Variants in SLC16A2 observed in about 807,000 individuals in gnomAD.
SLC16A2 encodes the protein monocarboxylate transporter 8.
A neutral mutation model predicts 27.2 loss-of-function variants in SLC16A2; 3 were observed. The observed-to-expected ratio is 0.11, with a 90% confidence interval of 0.05 to 0.28. The LOEUF (loss-of-function observed/expected upper bound fraction) is 0.28. Ranked by LOEUF, SLC16A2 falls within the 10% of genes least tolerant of loss-of-function variation. The probability of loss-of-function intolerance (pLI) is 1.00; values close to 1 mark genes in which losing one functional copy is unlikely to be tolerated. For missense variants in SLC16A2, 295 were observed against 458.5 expected (o/e 0.64, Z 3.26); for synonymous variants, 202 against 187.8 (o/e 1.08, Z -0.62).
intron 1 of SLC16A2, among the ~76,000 whole-genome samples, chrX:74,472,284 A>T (rs768912503): frequency 9.0e-6 from 1 of 111,720 alleles, no homozygotes; most frequent in East Asian, 2.8e-4. Flanking sequence ...ACTATTGCCT[A>T]TTCTATTTAC....
intron 1 of SLC16A2, among the ~76,000 whole-genome samples, chrX:74,494,105 G>C (rs1929889502): frequency 8.9e-6 from 1 of 112,206 alleles, no homozygotes; most frequent in Admixed American, 9.4e-5. Context: ...TGCAGTTGCT[G>C]TCTCCAGTCA....
At chrX:74,482,595 A>T (rs185322163) in intron 1 of SLC16A2, among the ~76,000 whole-genome samples, 1 of 111,243 alleles carries the variant, frequency 9.0e-6, no homozygotes, top group South Asian at 3.7e-4. Flanking sequence ...TCTTCTATGA[A>T]TTTTTTTGTT....
intron 1 of SLC16A2, among the ~76,000 whole-genome samples, chrX:74,478,970 G>A (rs1354882694): frequency 9.0e-6 from 1 of 110,809 alleles, no homozygotes; most frequent in Admixed American, 9.6e-5. Context: ...TCTTGGAGTT[G>A]CTCTTCTCGA....
intron 1 of SLC16A2, chrX:74,477,246 G>T: frequency 8.9e-6 from 1 of 112,180 alleles, no homozygotes; most frequent in Non-Finnish European, 1.9e-5. Flanking sequence ...ATTTCTTCTA[G>T]ATTTTCTAGT....
intron 1 of SLC16A2, among the ~76,000 whole-genome samples, chrX:74,494,470 T>A (rs758913520): frequency 4.5e-5 from 5 of 111,692 alleles, no homozygotes; most frequent in African/African-American, 1.6e-4. Context: ...CCTAAAGTAA[T>A]TAGTAATCAT....
At chrX:74,443,409 G>T (rs1209047638) in intron 1 of SLC16A2, among the ~76,000 whole-genome samples, 1 of 111,603 alleles carries the variant, frequency 9.0e-6, no homozygotes, top group East Asian at 2.8e-4. Context: ...GAGCAGCCTC[G>T]GGTCCCTTGG....
chrX:74,477,531 T>G (rs1929508853), intron 1 of SLC16A2, among the ~76,000 whole-genome samples: 1 of 111,804 alleles, frequency 8.9e-6, no homozygotes, highest in South Asian at 3.8e-4. Context: ...AGCTTTTGAA[T>G]GTGTTTGCTC....
At chrX:74,478,561 C>A (rs1929538416) in intron 1 of SLC16A2, among the ~76,000 whole-genome samples, 1 of 111,725 alleles carries the variant, frequency 9.0e-6, no homozygotes, top group Non-Finnish European at 1.9e-5. Context: ...TTAGTTGATG[C>A]AGTTTCTTCC....
chrX:74,444,649 A>T (rs1024013453), intron 1 of SLC16A2, among the ~76,000 whole-genome samples: 4 of 112,424 alleles, frequency 3.6e-5, no homozygotes, highest in Non-Finnish European at 5.6e-5. Context: ...TGGGAAAAAT[A>T]TATGGAAAAA....
chrX:74,515,647 G>A (rs6647495), intron 1 of SLC16A2, among the ~76,000 whole-genome samples: 8,901 of 107,108 alleles, frequency 0.083, 1,047 homozygotes, highest in East Asian at 0.82. Context: ...GCACGTGCAT[G>A]CACACACACA....
intron 1 of SLC16A2, 129 bp downstream of exon 1, chrX:74,422,196 ACCCCTTG>A (rs1325327788): frequency 1.5e-5 from 10 of 679,140 alleles, no homozygotes; most frequent in Non-Finnish European, 2.3e-5. Context: ...CTTACCCCTT[ACCCCTTG>A]CCCCTTGCCC....
intron 1 of SLC16A2, among the ~76,000 whole-genome samples, chrX:74,453,522 A>G (rs370268510): frequency 9.0e-6 from 1 of 111,465 alleles, no homozygotes; most frequent in Non-Finnish European, 1.9e-5. Flanking sequence ...CTCTCTCAGA[A>G]GGTCATATTT....
At chrX:74,452,180 A>G (rs1247644138) in intron 1 of SLC16A2, among the ~76,000 whole-genome samples, 1 of 112,182 alleles carries the variant, frequency 8.9e-6, no homozygotes, top group African/African-American at 3.2e-5. Flanking sequence ...CACACTTCCA[A>G]TTGCCAGTGT....
At chrX:74,529,651 C>G (rs1930537402) in intron 5 of SLC16A2, among the ~76,000 whole-genome samples, 1 of 110,094 alleles carries the variant, frequency 9.1e-6, no homozygotes, top group African/African-American at 3.3e-5. Context: ...ATGGATTTTC[C>G]ATGGTGGTAT....
chrX:74,493,917 CG>C (rs1929885819), intron 1 of SLC16A2, among the ~76,000 whole-genome samples: 1 of 111,610 alleles, frequency 9.0e-6, no homozygotes, highest in South Asian at 3.8e-4. Flanking sequence ...GACTCTCAGG[CG>C]GGAACAAGCC....
At position 74,489,970 on chromosome X, in the gene SLC16A2, TACACACACAC is replaced by T. The variant is rs55975734; in HGVS notation, c.431-30991_431-30982del. On this transcript the variant is annotated intron_variant, in intron 1 of 5. Coordinates refer to ENST00000587091, the MANE Select transcript of SLC16A2 (RefSeq NM_006517.5). The stretch of plus-strand genomic sequence containing the variant: ...AAGTCTATTATAAAGGTCACACACA[TACACACACAC>T]ACACACACACACACACACACACACA... 1.7e-4 allele frequency among the ~76,000 whole-genome samples: 15 copies of T among 87,157 alleles called. No individual in the cohort carries two copies. In the East Asian group the frequency reaches 3.1e-3, roughly 18 times the overall value. The allele number at this position is 87,157 out of a possible 115,157, so 75.7% of individuals were successfully genotyped here.
At position 74,525,761 on chromosome X, in the gene SLC16A2, G is replaced by T. The variant is rs760131297; in HGVS notation, c.1038G>T (p.Val346=). ...FVPYVHLMKY[V]EEEFSEIKET... Reference sequence around the variant, plus strand: ...GCTATGCTTTTCAGATGAAGTATGTGGAGGAGGAGTTCTCAGAAATCAAGG... The same window carrying T: ...GCTATGCTTTTCAGATGAAGTATGTTGAGGAGGAGTTCTCAGAAATCAAGG... The change falls in exon 4 of 6, where the codon GTG becomes GTT. Residue 346 remains valine (V), a synonymous_variant. Coordinates refer to ENST00000587091, the MANE Select transcript of SLC16A2 (RefSeq NM_006517.5). 3.3e-6 allele frequency: 4 copies of T among 1,211,475 alleles called. No individual in the cohort carries two copies. The highest frequency in any genetic ancestry group is 4.5e-6 in the Non-Finnish European group (4 of 895,242).
At chrX:74,423,258 T>G (rs1185908067) in intron 1 of SLC16A2, among the ~76,000 whole-genome samples, 1 of 112,157 alleles carries the variant, frequency 8.9e-6, no homozygotes, top group Non-Finnish European at 1.9e-5. Flanking sequence ...CAGCCCCAAG[T>G]TCACAACTCA....
At chrX:74,473,571 C>T (rs1385089389) in intron 1 of SLC16A2, 13 of 787,561 alleles carry the variant, frequency 1.7e-5, no homozygotes, top group South Asian at 1.4e-4. Context: ...CCATACTATT[C>T]AAAATAATCT....
Sources: allele counts gnomAD v4.1 joint callset (sites outside exome capture counted in the v4.1 genomes callset), GRCh38; gene constraint gnomAD v4.1.1; transcripts MANE v1.5; gene names NCBI Gene and HGNC (gene_info 2026-07-23, HGNC 2026-07-21).